CASC3: variants seen among roughly 807,000 people sequenced by gnomAD.
CASC3 encodes protein CASC3.
Under a neutral mutation model 80.5 loss-of-function variants are expected in CASC3, and 30 were observed. The observed-to-expected ratio is 0.37, with a 90% CI of 0.28 to 0.51. The LOEUF (loss-of-function observed/expected upper bound fraction) is 0.51. Ranked by LOEUF, CASC3 falls within the 20% of genes least tolerant of loss-of-function variation. CASC3 has a pLI of 0.94. For missense variants in CASC3, 824 were observed against 922.2 expected, an observed-to-expected ratio of 0.89 and a Z score of 1.38; for synonymous variants, 312 against 333.6, an observed-to-expected ratio of 0.94 and a Z score of 0.70.
intron 3 of CASC3, among the ~76,000 whole-genome samples, chr17:40,153,450 C>T (rs1267867266): frequency 6.6e-6 from 1 of 152,096 alleles, no homozygotes; most frequent in Non-Finnish European, 1.5e-5. Flanking sequence ...AATAATTCTG[C>T]TACAAACATT....
At chr17:40,142,502 T>TG (rs1988744141) in intron 3 of CASC3, among the ~76,000 whole-genome samples, 1 of 152,210 alleles carries the variant, frequency 6.6e-6, no homozygotes, top group Non-Finnish European at 1.5e-5. Context: ...CCGGGAGCAG[T>TG]GGCTCACGCC....
rs779743516 is a variant in CASC3, at chr17:40,171,659, T to A, written c.*1254T>A. The A allele has an allele frequency of 1.4e-4, 143 of 1,016,872 alleles. No individual in the cohort carries two copies. Among genetic ancestry groups the A allele is most frequent in the Non-Finnish European group, 1.6e-4 (134 of 848,756 alleles). 63.0% of individuals were successfully genotyped at this position (1,016,872 alleles called of 1,614,324 possible). A position where few individuals can be genotyped will look rare whatever the true frequency, so the allele number is the denominator to read the frequency against. On this transcript the variant is annotated 3_prime_UTR_variant, in exon 14 of 14. Transcript: ENST00000264645. Reference sequence around the variant, plus strand: ...TCCCTATCCATGGCACTAAACCACTTCTCTGCTGCCTCTGTGGAAGAGATT... The same window carrying A: ...TCCCTATCCATGGCACTAAACCACTACTCTGCTGCCTCTGTGGAAGAGATT...
Position 40,171,743 on chromosome 17 carries a change from TA to T in CASC3, c.*1339del. The T allele has an allele frequency of 7.0e-6, 8 of 1,148,894 alleles. No individual in the cohort carries two copies. The highest frequency in any genetic ancestry group is 8.7e-6 in the Non-Finnish European group (8 of 921,982). 71.2% of individuals were successfully genotyped at this position (1,148,894 alleles called of 1,614,324 possible). On this transcript the variant is annotated 3_prime_UTR_variant, in exon 14 of 14. Coordinates refer to ENST00000264645, the MANE Select transcript of CASC3 (RefSeq NM_007359.5). Reference sequence around the variant, plus strand: ...AACCTGGCCACTGTCCCTGTCCTTCTACAGAACCTGAGGGCAAAGATGGTGG... The same window carrying T: ...AACCTGGCCACTGTCCCTGTCCTTCTCAGAACCTGAGGGCAAAGATGGTGG...
chr17:40,141,116 C>T (rs890897497), intron 1 of CASC3, 91 bp from the exon 2 acceptor site: 154 of 1,217,378 alleles, frequency 1.3e-4, no homozygotes, highest in Non-Finnish European at 1.7e-4. Flanking sequence ...CCATTTTGTG[C>T]TGAATCTTCA....
chr17:40,146,547 G>A (rs949750754), intron 3 of CASC3, among the ~76,000 whole-genome samples: 6 of 148,870 alleles, frequency 4.0e-5, no homozygotes, highest in South Asian at 2.1e-4. Flanking sequence ...AGCGATTCTC[G>A]TGCCTCAGCC....
At chr17:40,160,656 G>T (rs780430696) in intron 3 of CASC3, among the ~76,000 whole-genome samples, 1 of 151,814 alleles carries the variant, frequency 6.6e-6, no homozygotes, top group African/African-American at 2.4e-5. Flanking sequence ...TTGCTTTTTC[G>T]AGATGGAGTT....
chr17:40,149,358 C>T (rs1156466611), intron 3 of CASC3, among the ~76,000 whole-genome samples: 1 of 148,886 alleles, frequency 6.7e-6, no homozygotes, highest in African/African-American at 2.5e-5. Context: ...AACTTACAAT[C>T]CTCATCAGCC....
Position 40,166,967 on chromosome 17 carries a change from CT to C in CASC3, c.1536+115del, listed in dbSNP as rs751149013. 1.2e-3 allele frequency: 895 copies of C among 776,136 alleles called. 1 individual carries two copies. The highest frequency in any genetic ancestry group is 7.6e-3 in the Middle Eastern group (23 of 3,046). The allele number at this position is 776,136 out of a possible 1,614,324, so 48.1% of individuals were successfully genotyped here. On this transcript the variant is annotated intron_variant, in intron 8 of 13. Coordinates refer to ENST00000264645, the MANE Select transcript of CASC3 (RefSeq NM_007359.5). The stretch of plus-strand genomic sequence containing the variant: ...TTTTTTTTTTTTCTTTTCTTTCTTT[CT>C]TTTTTTTTGAGACAGAGTCTCGCTC...
In CASC3 at chr17:40,171,951, T is replaced by G; in HGVS notation, c.*1546T>G. 7.8e-7 allele frequency: 1 copy of G among 1,284,362 alleles called. No homozygotes were observed. Among genetic ancestry groups the G allele is most frequent in the Non-Finnish European group, 1.0e-6 (1 of 985,234 alleles). 79.6% of individuals were successfully genotyped at this position (1,284,362 alleles called of 1,614,324 possible). A position where few individuals can be genotyped will look rare whatever the true frequency, so the allele number is the denominator to read the frequency against. On this transcript the variant is annotated 3_prime_UTR_variant, in exon 14 of 14. Transcript: ENST00000264645. The stretch of plus-strand genomic sequence containing the variant: ...TGGTGGTTGTGCCTTTTGTAGGCTG[T>G]TCCCTTTGCCTTAAACCTGAAGATG...
At chr17:40,150,864 T>G (rs1988986754) in intron 3 of CASC3, among the ~76,000 whole-genome samples, 1 of 151,816 alleles carries the variant, frequency 6.6e-6, no homozygotes, top group African/African-American at 2.4e-5. Flanking sequence ...TACAAAAAAC[T>G]TAGCCAGATG....
intron 3 of CASC3, among the ~76,000 whole-genome samples, chr17:40,148,506 G>A (rs778234133): frequency 6.6e-6 from 1 of 151,884 alleles, no homozygotes; most frequent in Non-Finnish European, 1.5e-5. Context: ...CTGGGACCTC[G>A]TGTGTCACCG....
At chr17:40,150,054 C>T (rs1450830590) in intron 3 of CASC3, among the ~76,000 whole-genome samples, 2 of 152,052 alleles carry the variant, frequency 1.3e-5, no homozygotes, top group African/African-American at 2.4e-5. Context: ...AGGAAGTTAG[C>T]GTTCCTTTCT....
rs1988692885 is a variant in CASC3, at chr17:40,140,822, G to A, written c.231+43G>A. The A allele has an allele frequency of 1.0e-5, 6 of 602,342 alleles. No individual in the cohort carries two copies. The South Asian group carries it at 1.3e-4, about 13-fold the overall frequency. 37.3% of individuals were successfully genotyped at this position (602,342 alleles called of 1,614,324 possible). ...GGGCGGGGTGGGGACCGGGCGGCGA[G>A]CCGGCCGGGGGCGGGGTGTAGGTGA... On this transcript the variant is annotated intron_variant, in intron 1 of 13. Coordinates refer to ENST00000264645, the MANE Select transcript of CASC3 (RefSeq NM_007359.5).
chr17:40,169,676 T>G lies in CASC3; in HGVS notation c.*41+14T>G. 7.4e-7 allele frequency: 1 copy of G among 1,352,226 alleles called. No individual in the cohort carries two copies. The allele number at this position is 1,352,226 out of a possible 1,614,324, so 83.8% of individuals were successfully genotyped here. On this transcript the variant is annotated intron_variant, in intron 13 of 13. Transcript: ENST00000264645. ...CATCATATAAAAGTAAGTGCACAAC[T>G]TACTGTGAATATTGTTAAAACTAAT...
Position 40,170,657 on chromosome 17 carries a change from A to C in CASC3, c.*252A>C, listed in dbSNP as rs1598433201. ...TTGAGTTGGCTGTGTTCGGGGGAGC[A>C]GAGAGAGCCAGACAGCCCCAAGCTT... On this transcript the variant is annotated 3_prime_UTR_variant, in exon 14 of 14. Transcript: ENST00000264645. 2 of 985,584 alleles carry C rather than the reference A, an allele frequency of 2.0e-6. No homozygotes were observed. Among genetic ancestry groups the C allele is most frequent in the East Asian group, 1.1e-4 (1 of 8,958 alleles). The allele number at this position is 985,584 out of a possible 1,614,324, so 61.1% of individuals were successfully genotyped here. A position where few individuals can be genotyped will look rare whatever the true frequency, so the allele number is the denominator to read the frequency against.
At chr17:40,144,312 G>A (rs1988796470) in intron 3 of CASC3, among the ~76,000 whole-genome samples, 1 of 151,264 alleles carries the variant, frequency 6.6e-6, no homozygotes, top group Non-Finnish European at 1.5e-5. Context: ...TATACCTACT[G>A]TGTACTCAAC....
intron 7 of CASC3, among the ~76,000 whole-genome samples, chr17:40,166,583 A>T (rs78033519): frequency 0.012 from 1,867 of 152,310 alleles, 53 homozygotes; most frequent in African/African-American, 0.042. Context: ...TTCATTTTCA[A>T]GGGCTTTATT....
At chr17:40,157,371 T>TA (rs1555550453) in intron 3 of CASC3, among the ~76,000 whole-genome samples, 21,034 of 136,958 alleles carry the variant, frequency 0.15, 1,972 homozygotes, top group Non-Finnish European at 0.21. Context: ...ATAAATAAAT[T>TA]AATTAATTAA....
intron 2 of CASC3, 57 bp from the exon 3 acceptor site, chr17:40,141,513 G>A (rs1432071909): frequency 1.4e-6 from 2 of 1,473,856 alleles, no homozygotes; most frequent in African/African-American, 1.4e-5. Flanking sequence ...CCTGTAATAA[G>A]CAGCCAAAAA....
Sources: gnomAD v4.1 joint callset for allele counts (sites outside exome capture counted in the v4.1 genomes callset) on GRCh38, gnomAD v4.1.1 for gene constraint, MANE v1.5 for transcripts, NCBI Gene and HGNC (gene_info 2026-07-23, HGNC 2026-07-21) for gene names.